PRR16: variants seen among roughly 807,000 people sequenced by gnomAD.
The protein encoded by PRR16 is proline rich 16.
A neutral mutation model predicts 18.2 loss-of-function variants in PRR16; 6 were observed. The ratio of observed to expected loss-of-function variants is 0.33; its 90% CI spans 0.18 to 0.65. The LOEUF (loss-of-function observed/expected upper bound fraction) is 0.65, where lower values mean the gene tolerates loss of function less well. Ranked by LOEUF, PRR16 falls within the 30% of genes least tolerant of loss-of-function variation. The pLI is 0.74. For missense variants in PRR16, 412 were observed against 376.6 expected, an observed-to-expected ratio of 1.09 and a Z score of -0.78; for synonymous variants, 151 against 147.8, an observed-to-expected ratio of 1.02 and a Z score of -0.16.
At chr5:120,626,258 A>G (rs1160676648) in intron 1 of PRR16, among the ~76,000 whole-genome samples, 1 of 152,172 alleles carries the variant, frequency 6.6e-6, no homozygotes, top group Non-Finnish European at 1.5e-5. Context: ...TACCTATACA[A>G]TGGCATACTG....
intron 1 of PRR16, among the ~76,000 whole-genome samples, chr5:120,534,514 A>C (rs1751652828): frequency 1.3e-5 from 2 of 152,106 alleles, no homozygotes; most frequent in South Asian, 4.1e-4. Flanking sequence ...TCTTTTTTGT[A>C]TATATCATTT....
rs369381164 is a variant in PRR16 at position 120,487,654 on chromosome 5, C to G, written c.159+23009C>G. 2.6e-3 allele frequency among the ~76,000 whole-genome samples: 392 copies of G among 152,200 alleles called. 4 individuals carry two copies. The highest frequency in any genetic ancestry group is 8.9e-3 in the African/African-American group (370 of 41,540). On this transcript the variant is annotated intron_variant, in intron 1 of 1. Transcript: ENST00000407149. ...TACCCTCTATTTCCTTCTCCTGCCT[C>G]ATTGCACTGGTCAGAACTTCCAACA...
At chr5:120,577,157 C>G (rs1157468145) in intron 1 of PRR16, among the ~76,000 whole-genome samples, 1 of 151,840 alleles carries the variant, frequency 6.6e-6, no homozygotes, top group Admixed American at 6.6e-5. Flanking sequence ...ACATATATAT[C>G]ATGATATAGC....
the PRR16 span, among the ~76,000 whole-genome samples, chr5:120,750,328 C>T: frequency 1.1e-3 from 166 of 151,980 alleles, 2 homozygotes; most frequent in South Asian, 3.7e-3. Flanking sequence ...ATACTTTTAC[C>T]CCGTCAACAT....
the PRR16 span, among the ~76,000 whole-genome samples, chr5:120,733,782 A>T: frequency 6.6e-6 from 1 of 152,202 alleles, no homozygotes; most frequent in Admixed American, 6.5e-5. Flanking sequence ...AATTTTTGTA[A>T]TTTTTTATCA....
Position 120,604,462 on chromosome 5 carries a change from A to G in PRR16, c.160-81492A>G, listed in dbSNP as rs566704396. ...GGGTCACTGCAGATGATATGGGTCT[A>G]TTGAAGACAGCATACAGTTGGTCTT... On this transcript the variant is annotated intron_variant, in intron 1 of 1. Coordinates refer to ENST00000407149, the MANE Select transcript of PRR16 (RefSeq NM_001300783.2). 2.6e-5 allele frequency among the ~76,000 whole-genome samples: 4 copies of G among 152,152 alleles called. No individual in the cohort carries two copies. The South Asian group carries it at 6.2e-4, about 24-fold the overall frequency.
At chr5:120,762,643 C>A in the PRR16 span, among the ~76,000 whole-genome samples, 7 of 152,070 alleles carry the variant, frequency 4.6e-5, no homozygotes, top group Non-Finnish European at 8.8e-5. Context: ...TTGTTTTCTC[C>A]TGGTTGAATT....
At chr5:120,752,728 T>C in the PRR16 span, among the ~76,000 whole-genome samples, 11 of 152,154 alleles carry the variant, frequency 7.2e-5, no homozygotes, top group African/African-American at 2.6e-4. Context: ...TATAAGTTTC[T>C]ATTTCTTCGT....
At chr5:120,665,242 A>G (rs148608085) in intron 1 of PRR16, among the ~76,000 whole-genome samples, 142,965 of 147,262 alleles carry the variant, frequency 0.97, 69,565 homozygotes, top group East Asian at 1. Flanking sequence ...TCTTTTGGCT[A>G]CATAAATGTC....
chr5:120,517,312 C>A (rs1276424208), intron 1 of PRR16, among the ~76,000 whole-genome samples: 1 of 152,104 alleles, frequency 6.6e-6, no homozygotes. Flanking sequence ...TAGAACATTA[C>A]ACTTGAAGCA....
chr5:120,596,232 A>C (rs1480284439), intron 1 of PRR16, among the ~76,000 whole-genome samples: 1 of 151,566 alleles, frequency 6.6e-6, no homozygotes, highest in African/African-American at 2.4e-5. Context: ...AACCTGCTGA[A>C]GCTTATGGGA....
chr5:120,477,376 G>A (rs551148458), intron 1 of PRR16, among the ~76,000 whole-genome samples: 4 of 151,960 alleles, frequency 2.6e-5, no homozygotes, highest in East Asian at 1.9e-4. Context: ...GTCAGTTAAC[G>A]GCATCTCCAT....
chr5:120,660,543 A>G (rs1293702003), intron 1 of PRR16, among the ~76,000 whole-genome samples: 3 of 152,118 alleles, frequency 2.0e-5, no homozygotes, highest in Non-Finnish European at 4.4e-5. Context: ...ATATAATAAT[A>G]CAAGGTACTA....
chr5:120,654,329 T>A (rs968690267), intron 1 of PRR16, among the ~76,000 whole-genome samples: 6 of 151,970 alleles, frequency 3.9e-5, no homozygotes, highest in Admixed American at 6.6e-5. Context: ...CTAATCCTAA[T>A]TTTTTTGTTT....
chr5:120,657,014 T>C (rs975413452), intron 1 of PRR16, among the ~76,000 whole-genome samples: 1 of 152,032 alleles, frequency 6.6e-6, no homozygotes, highest in African/African-American at 2.4e-5. Context: ...CGTGATTTTT[T>C]AAATTAAAGA....
the PRR16 span, among the ~76,000 whole-genome samples, chr5:120,793,472 T>C: frequency 6.6e-6 from 1 of 152,096 alleles, no homozygotes; most frequent in African/African-American, 2.4e-5. Context: ...GGAAAAATCA[T>C]GTGCAAAGCA....
At chr5:120,758,181 A>G in the PRR16 span, among the ~76,000 whole-genome samples, 1 of 152,158 alleles carries the variant, frequency 6.6e-6, no homozygotes, top group Non-Finnish European at 1.5e-5. Context: ...TGCAAAAATA[A>G]TGGAAATAGT....
the PRR16 span, among the ~76,000 whole-genome samples, chr5:120,709,995 G>A: frequency 2.6e-5 from 4 of 152,116 alleles, no homozygotes; most frequent in Non-Finnish European, 5.9e-5. Flanking sequence ...ATAACCACCA[G>A]TGAGATTGCT....
chr5:120,509,936 C>T (rs1750777621), intron 1 of PRR16, among the ~76,000 whole-genome samples: 2 of 152,078 alleles, frequency 1.3e-5, no homozygotes, highest in Non-Finnish European at 2.9e-5. Flanking sequence ...GGCTGAGCTT[C>T]TGATATGACA....
Sources: gnomAD v4.1 joint callset for allele counts (sites outside exome capture counted in the v4.1 genomes callset) on GRCh38, gnomAD v4.1.1 for gene constraint, MANE v1.5 for transcripts, NCBI Gene and HGNC (gene_info 2026-07-23, HGNC 2026-07-21) for gene names.